TMEM178B: variants seen among roughly 807,000 people sequenced by gnomAD.
TMEM178B encodes transmembrane protein 178B.
A neutral mutation model predicts 31.0 loss-of-function variants in TMEM178B; 5 were observed. The ratio of observed to expected loss-of-function variants is 0.16; its 90% CI spans 0.08 to 0.34. TMEM178B has a LOEUF of 0.34. TMEM178B is among the 10% of genes least tolerant of loss of function. The pLI is 1.00. For synonymous variants in TMEM178B, 164 were observed against 164.0 expected, an observed-to-expected ratio of 1.00 and a Z score of 0.00; for missense variants, 275 against 400.3, an observed-to-expected ratio of 0.69 and a Z score of 2.67.
At chr7:141,357,417 A>T (rs1799839336) in intron 2 of TMEM178B, among the ~76,000 whole-genome samples, 1 of 152,140 alleles carries the variant, frequency 6.6e-6, no homozygotes, top group African/African-American at 2.4e-5. Flanking sequence ...AGTTTGTTTT[A>T]TGTACATTAT....
chr7:141,155,599 G>A (rs996766330), intron 1 of TMEM178B, among the ~76,000 whole-genome samples: 4 of 152,218 alleles, frequency 2.6e-5, no homozygotes, highest in African/African-American at 7.2e-5. Context: ...TCTGATGGAA[G>A]GGGTATGTGT....
At chr7:141,245,021 C>G (rs970533340) in intron 2 of TMEM178B, among the ~76,000 whole-genome samples, 4 of 150,930 alleles carry the variant, frequency 2.7e-5, no homozygotes, top group African/African-American at 9.8e-5. Context: ...CCTGTAATCC[C>G]AGCTACTCGG....
intron 2 of TMEM178B, among the ~76,000 whole-genome samples, chr7:141,417,903 G>C (rs1801129736): frequency 6.6e-6 from 1 of 152,126 alleles, no homozygotes; most frequent in Non-Finnish European, 1.5e-5. Flanking sequence ...ATGATATTAA[G>C]GTCACATGAC....
chr7:141,358,617 G>A (rs1799863813), intron 2 of TMEM178B, among the ~76,000 whole-genome samples: 2 of 151,598 alleles, frequency 1.3e-5, no homozygotes, highest in African/African-American at 4.9e-5. Flanking sequence ...AAAAACCATT[G>A]AGCTCTTTCA....
At chr7:141,506,557 A>G in the TMEM178B span, among the ~76,000 whole-genome samples, 1 of 152,166 alleles carries the variant, frequency 6.6e-6, no homozygotes. Flanking sequence ...GCCATGATTT[A>G]ATTACCTCCC....
rs1563126967 is a variant in TMEM178B at position 141,235,938 on chromosome 7, C to T, written c.496+23234C>T. ...GCCGTCCCAGCTCAGCCTTCCCAGT[C>T]CTGGATGTGGGATAATCTTTAAGCC... On this transcript the variant is annotated intron_variant, in intron 2 of 3. Transcript: ENST00000565468. Among the ~76,000 whole-genome samples the T allele has an allele frequency of 2.0e-5, 3 of 152,160 alleles. No individual in the cohort carries two copies. In the South Asian group the frequency reaches 6.2e-4, roughly 32 times the overall value.
Position 141,099,707 on chromosome 7 carries a change from G to T in TMEM178B, c.382+25015G>T, listed in dbSNP as rs75769564. Among the ~76,000 whole-genome samples the T allele has an allele frequency of 5.3e-3, 807 of 152,268 alleles. 5 individuals are homozygous for T. Among genetic ancestry groups the T allele is most frequent in the Non-Finnish European group, 7.9e-3 (540 of 68,014 alleles). On this transcript the variant is annotated intron_variant, in intron 1 of 3. Coordinates refer to ENST00000565468, the MANE Select transcript of TMEM178B (RefSeq NM_001195278.2). ...TATGGTCCTTAATCACAGCTTAGGT[G>T]ACATTTAATGGAAAGATCACTGTGC...
rs190932770 is a variant in TMEM178B, at chr7:141,275,200, C to T, written c.496+62496C>T. Reference sequence around the variant, plus strand: ...GATACTCAAAACTCAATAAAATTAACGAACCATCCAACAACAACAACAAAA... The same window carrying T: ...GATACTCAAAACTCAATAAAATTAATGAACCATCCAACAACAACAACAAAA... On this transcript the variant is annotated intron_variant, in intron 2 of 3. Coordinates refer to ENST00000565468, the MANE Select transcript of TMEM178B (RefSeq NM_001195278.2). Among the ~76,000 whole-genome samples, 240 of 152,240 alleles carry T rather than the reference C, an allele frequency of 1.6e-3. 2 individuals are homozygous for T. Among genetic ancestry groups the T allele is most frequent in the African/African-American group, 5.4e-3 (223 of 41,550 alleles).
intron 1 of TMEM178B, among the ~76,000 whole-genome samples, chr7:141,178,391 G>A (rs188366080): frequency 9.9e-5 from 15 of 152,260 alleles, no homozygotes; most frequent in African/African-American, 2.9e-4. Context: ...ACATAGAAGC[G>A]TTTTAGCACT....
chr7:141,489,193 A>C, the TMEM178B span, among the ~76,000 whole-genome samples: 1 of 152,162 alleles, frequency 6.6e-6, no homozygotes, highest in Non-Finnish European at 1.5e-5. Context: ...TCCATCTCTT[A>C]TCATCTTCCT....
intron 2 of TMEM178B, among the ~76,000 whole-genome samples, chr7:141,260,713 G>C (rs1797999914): frequency 6.6e-6 from 1 of 152,152 alleles, no homozygotes; most frequent in South Asian, 2.1e-4. Flanking sequence ...TGTTATGTAG[G>C]TGGTAAGTAA....
At chr7:141,290,061 C>T (rs1057027579) in intron 2 of TMEM178B, among the ~76,000 whole-genome samples, 2 of 152,212 alleles carry the variant, frequency 1.3e-5, no homozygotes, top group Non-Finnish European at 2.9e-5. Flanking sequence ...GATAGCTCAT[C>T]TCTGCCTGTC....
intron 2 of TMEM178B, among the ~76,000 whole-genome samples, chr7:141,299,689 G>A (rs951706969): frequency 6.6e-6 from 1 of 152,208 alleles, no homozygotes; most frequent in Admixed American, 6.5e-5. Context: ...AAATGAAGGT[G>A]TCCTCTCTTC....
Position 141,422,245 on chromosome 7 carries a change from A to G in TMEM178B, c.497-15363A>G, listed in dbSNP as rs1008942988. Among the ~76,000 whole-genome samples, 1 of 152,192 alleles carries G rather than the reference A, an allele frequency of 6.6e-6. No individual in the cohort carries two copies. The highest frequency in any genetic ancestry group is 2.4e-5 in the African/African-American group (1 of 41,442). ...GGTGTTATTGCTCTCCGGGCCCTCC[A>G]TGTGGTGGGGCCCAAAGGCTGGCTC... On this transcript the variant is annotated intron_variant, in intron 2 of 3. Transcript: ENST00000565468. This position sits in a 1 kb window ranked among gnomAD's most constrained non-coding sequence, Gnocchi z 4.2.
Position 141,301,096 on chromosome 7 carries a change from G to A in TMEM178B, c.496+88392G>A, listed in dbSNP as rs374154063. ...TTTGTTCCAGATCCTTCTGAGTACCGCAGCACCTTACTCTGAAATGTGGGT... is the reference window on the plus strand; with the variant it reads ...TTTGTTCCAGATCCTTCTGAGTACCACAGCACCTTACTCTGAAATGTGGGT... On this transcript the variant is annotated intron_variant, in intron 2 of 3. Transcript: ENST00000565468. Among the ~76,000 whole-genome samples, 18 of 152,214 alleles carry A rather than the reference G, an allele frequency of 1.2e-4. No homozygotes were observed. In the South Asian group the frequency reaches 1.9e-3, roughly 16 times the overall value.
At chr7:141,465,861 A>C (rs1449861615) in intron 3 of TMEM178B, among the ~76,000 whole-genome samples, 1 of 152,076 alleles carries the variant, frequency 6.6e-6, no homozygotes, top group Non-Finnish European at 1.5e-5. Flanking sequence ...TGTCTCTACA[A>C]AAAATTTAAA....
chr7:141,084,218 C>T (rs1331553116), intron 1 of TMEM178B, among the ~76,000 whole-genome samples: 1 of 152,222 alleles, frequency 6.6e-6, no homozygotes, highest in African/African-American at 2.4e-5. Context: ...TACAGCTAAA[C>T]ATTTTTGAGC....
chr7:141,199,536 C>T (rs756478888), intron 1 of TMEM178B, among the ~76,000 whole-genome samples: 1 of 152,258 alleles, frequency 6.6e-6, no homozygotes, highest in East Asian at 1.9e-4. Context: ...CTTTATTCCT[C>T]GCTTATTTTC....
intron 3 of TMEM178B, among the ~76,000 whole-genome samples, chr7:141,442,065 C>T (rs1415975311): frequency 6.6e-6 from 1 of 152,214 alleles, no homozygotes; most frequent in Non-Finnish European, 1.5e-5. Context: ...AGCTCAGGAA[C>T]AGGATGCCAC....
Sources: gnomAD v4.1 joint callset for allele counts (sites outside exome capture counted in the v4.1 genomes callset) on GRCh38, gnomAD v4.1.1 for gene constraint, Gnocchi (gnomAD v3.1) non-coding constraint, MANE v1.5 for transcripts, NCBI Gene and HGNC (gene_info 2026-07-23, HGNC 2026-07-21) for gene names.